Variants in ZFPM2 observed in about 807,000 individuals in gnomAD.
ZFPM2 encodes zinc finger protein, FOG family member 2, also known as zinc finger protein ZFPM2.
In ZFPM2, 20 loss-of-function variants were observed where a neutral mutation model predicts 98.6. That is an observed-to-expected ratio of 0.20 (90% CI 0.14 to 0.29). The LOEUF (loss-of-function observed/expected upper bound fraction) is 0.29, where lower values mean the gene tolerates loss of function less well. Ranked by LOEUF, ZFPM2 falls within the 10% of genes least tolerant of loss-of-function variation. The pLI is 1.00. For synonymous variants in ZFPM2, 518 were observed against 502.7 expected, an observed-to-expected ratio of 1.03 and a Z score of -0.41; for missense variants, 1,310 against 1,388.6, an observed-to-expected ratio of 0.94 and a Z score of 0.90.
intron 6 of ZFPM2, among the ~76,000 whole-genome samples, chr8:105,790,564 C>T (rs1002823747): frequency 6.6e-6 from 1 of 151,918 alleles, no homozygotes; most frequent in African/African-American, 2.4e-5. Context: ...TTAGGATTGA[C>T]TTGGTGATGC....
intron 6 of ZFPM2, among the ~76,000 whole-genome samples, chr8:105,791,348 C>T (rs1294162444): frequency 1.3e-5 from 2 of 152,170 alleles, no homozygotes; most frequent in South Asian, 2.1e-4. Context: ...TTGAGATAAT[C>T]ATGTGGTTTT....
chr8:105,634,221 CT>C, intron 4 of ZFPM2, 24 bp from the exon 5 acceptor site: 1 of 1,567,584 alleles, frequency 6.4e-7, no homozygotes, highest in South Asian at 1.1e-5. Flanking sequence ...CAAATGGCAT[CT>C]GTTTGTTATC....
chr8:105,604,510 T>A (rs1472006038), intron 4 of ZFPM2, among the ~76,000 whole-genome samples: 1 of 152,058 alleles, frequency 6.6e-6, no homozygotes, highest in East Asian at 1.9e-4. Context: ...TCCGAAACCT[T>A]TTCCGTGGTC....
At position 105,456,900 on chromosome 8, in the gene ZFPM2, G is replaced by T. The variant is rs558896994; in HGVS notation, c.301+12519G>T. Among the ~76,000 whole-genome samples, 153 of 152,112 alleles carry T rather than the reference G, an allele frequency of 1.0e-3. 1 individual carries two copies. Among genetic ancestry groups the T allele is most frequent in the Non-Finnish European group, 1.7e-3 (116 of 67,978 alleles). ...TGTTAGCCAGGACAGTGATCCACCC[G>T]CCTGGGCCTCCCAAAGTGCTGGGAT... On this transcript the variant is annotated intron_variant, in intron 3 of 7. Coordinates refer to ENST00000407775, the MANE Select transcript of ZFPM2 (RefSeq NM_012082.4).
chr8:105,601,287 G>A (rs1384260567), intron 4 of ZFPM2, among the ~76,000 whole-genome samples: 2 of 152,070 alleles, frequency 1.3e-5, no homozygotes, highest in Non-Finnish European at 2.9e-5. Context: ...CCCAGTAGCT[G>A]GCACATGGTA....
intron 3 of ZFPM2, among the ~76,000 whole-genome samples, chr8:105,460,513 G>A (rs1812684356): frequency 1.3e-5 from 2 of 152,126 alleles, no homozygotes; most frequent in Admixed American, 1.3e-4. Context: ...TCGCAGGCAC[G>A]GGGAGCATGG....
intron 4 of ZFPM2, among the ~76,000 whole-genome samples, chr8:105,612,886 G>A (rs779976342): frequency 2.6e-4 from 40 of 152,054 alleles, no homozygotes; most frequent in Non-Finnish European, 3.1e-4. Context: ...GGAAATAGTG[G>A]AAAGAAAAAA....
chr8:105,657,807 C>A (rs916370276), intron 5 of ZFPM2, among the ~76,000 whole-genome samples: 12 of 152,236 alleles, frequency 7.9e-5, no homozygotes, highest in South Asian at 4.1e-4. Context: ...CAAGACACAA[C>A]CTTGCCTACA....
At position 105,668,063 on chromosome 8, in the gene ZFPM2, A is replaced by G. The variant is rs548393483; in HGVS notation, c.532+33706A>G. The stretch of plus-strand genomic sequence containing the variant: ...TCTGAGAATCACTGAGACAAATCCC[A>G]TAGGAGGGACTCAAGAAAGTTTAAT... On this transcript the variant is annotated intron_variant, in intron 5 of 7. Transcript: ENST00000407775. Among the ~76,000 whole-genome samples the G allele has an allele frequency of 3.9e-5, 6 of 152,308 alleles. No individual in the cohort carries two copies. The East Asian group carries it at 5.8e-4, about 15-fold the overall frequency.
intron 5 of ZFPM2, among the ~76,000 whole-genome samples, chr8:105,698,261 C>T (rs16873531): frequency 0.12 from 18,253 of 152,156 alleles, 1,651 homozygotes; most frequent in East Asian, 0.48. Context: ...TTCTTGGATT[C>T]CAGACCAGGG....
intron 1 of ZFPM2, among the ~76,000 whole-genome samples, chr8:105,383,953 T>C (rs771290173): frequency 2.6e-5 from 4 of 152,206 alleles, no homozygotes; most frequent in Non-Finnish European, 5.9e-5. Context: ...TAGGTATTAA[T>C]ATAAAGAGAA....
At chr8:105,597,177 G>A (rs1179879748) in intron 4 of ZFPM2, among the ~76,000 whole-genome samples, 1 of 151,912 alleles carries the variant, frequency 6.6e-6, no homozygotes, top group Non-Finnish European at 1.5e-5. Flanking sequence ...GCCCTGTTAT[G>A]CCTGGGTTCT....
intron 3 of ZFPM2, among the ~76,000 whole-genome samples, chr8:105,535,673 T>C (rs1389013418): frequency 3.3e-5 from 5 of 152,172 alleles, no homozygotes; most frequent in African/African-American, 1.2e-4. Flanking sequence ...TGGAAAATTA[T>C]AGTGTCTAAA....
At chr8:105,555,040 A>C (rs1241436206) in intron 3 of ZFPM2, among the ~76,000 whole-genome samples, 1 of 151,948 alleles carries the variant, frequency 6.6e-6, no homozygotes, top group Non-Finnish European at 1.5e-5. Context: ...TTGATATTTT[A>C]AAAAGCTGTG....
chr8:105,504,602 A>G (rs1360364818), intron 3 of ZFPM2, among the ~76,000 whole-genome samples: 2 of 152,204 alleles, frequency 1.3e-5, no homozygotes, highest in African/African-American at 4.8e-5. Context: ...TGTAAGTTTA[A>G]TAGATGTGGC....
chr8:105,452,577 C>T (rs1029172482), intron 3 of ZFPM2, among the ~76,000 whole-genome samples: 2 of 151,792 alleles, frequency 1.3e-5, no homozygotes, highest in Non-Finnish European at 2.9e-5. Flanking sequence ...GTGTAACCCT[C>T]ATTTCTACAA....
rs552711552 is a variant in ZFPM2, at chr8:105,347,861, AAAT to A, written c.40+28886_40+28888del. Among the ~76,000 whole-genome samples, 163 of 152,290 alleles carry A rather than the reference AAAT, an allele frequency of 1.1e-3. 1 individual carries two copies. Among genetic ancestry groups the A allele is most frequent in the African/African-American group, 3.8e-3 (158 of 41,566 alleles). ...CCGTTGGACATGTTTACCATATTAA[AAAT>A]AATAACAAAGAAAACAAAAATGATA... On this transcript the variant is annotated intron_variant, in intron 1 of 7. Coordinates refer to ENST00000407775, the MANE Select transcript of ZFPM2 (RefSeq NM_012082.4).
chr8:105,696,536 T>G (rs1201257334), intron 5 of ZFPM2, among the ~76,000 whole-genome samples: 1 of 152,174 alleles, frequency 6.6e-6, no homozygotes, highest in Non-Finnish European at 1.5e-5. Flanking sequence ...ACCAAAGTTA[T>G]TAAAAATTAG....
intron 5 of ZFPM2, among the ~76,000 whole-genome samples, chr8:105,647,308 A>G (rs1427132852): frequency 2.0e-5 from 3 of 152,114 alleles, no homozygotes; most frequent in African/African-American, 7.2e-5. Flanking sequence ...GTAGAAATAA[A>G]TGCATGCAAT....
Sources: allele counts gnomAD v4.1 joint callset (sites outside exome capture counted in the v4.1 genomes callset), GRCh38; gene constraint gnomAD v4.1.1; transcripts MANE v1.5; gene names NCBI Gene and HGNC (gene_info 2026-07-23, HGNC 2026-07-21).